Variants in ADAM10 observed in about 807,000 individuals in gnomAD.
ADAM10 encodes ADAM metallopeptidase domain 10.
Under a neutral mutation model 90.1 loss-of-function variants are expected in ADAM10, and 17 were observed. The observed-to-expected ratio is 0.19, with a 90% CI of 0.13 to 0.28. The LOEUF is 0.28. Among genes scored for constraint, ADAM10 ranks in the 10% least tolerant of loss-of-function variants. ADAM10 has a pLI of 1.00. For synonymous variants in ADAM10, 310 were observed against 298.6 expected, an observed-to-expected ratio of 1.04 and a Z score of -0.40; for missense variants, 610 against 914.3, an observed-to-expected ratio of 0.67 and a Z score of 4.29.
intron 9 of ADAM10, among the ~76,000 whole-genome samples, chr15:58,628,729 A>C (rs1223490092): frequency 6.6e-6 from 1 of 152,178 alleles, no homozygotes; most frequent in Non-Finnish European, 1.5e-5. Flanking sequence ...AGGGGCAAAA[A>C]ACACTGGACA....
At chr15:58,717,818 T>C in intron 1 of ADAM10, 91 bp from the exon 2 acceptor site, 2 of 1,511,842 alleles carry the variant, frequency 1.3e-6, no homozygotes, top group African/African-American at 1.4e-5. Context: ...TGAATATGTA[T>C]GAAACAACTT....
intron 2 of ADAM10, among the ~76,000 whole-genome samples, chr15:58,695,882 C>T (rs1433698600): frequency 2.6e-5 from 4 of 151,882 alleles, no homozygotes; most frequent in East Asian, 1.9e-4. Context: ...TTTGGGAGGC[C>T]GAGGCGGGTG....
chr15:58,738,470 G>A (rs1358019519), intron 1 of ADAM10, among the ~76,000 whole-genome samples: 1 of 152,088 alleles, frequency 6.6e-6, no homozygotes, highest in Non-Finnish European at 1.5e-5. Context: ...TTTTTCACTA[G>A]AAATCAGTCA....
At position 58,729,958 on chromosome 15, in the gene ADAM10, T is replaced by TAAAAAAA. The variant is rs776357246; in HGVS notation, c.56-12238_56-12232dup. Among the ~76,000 whole-genome samples, 4 of 118,440 alleles carry TAAAAAAA rather than the reference T, an allele frequency of 3.4e-5. 1 individual carries two copies. Among genetic ancestry groups the TAAAAAAA allele is most frequent in the African/African-American group, 1.3e-4 (4 of 31,200 alleles). 77.7% of individuals were successfully genotyped at this position (118,440 alleles called of 152,430 possible). On this transcript the variant is annotated intron_variant, in intron 1 of 15. Transcript: ENST00000260408. ...GCGTAAGCAACAGAACGAGGCTCTGTAAAAAAAAACAAAAACAAAAACAAA... is the reference window on the plus strand; with the variant it reads ...GCGTAAGCAACAGAACGAGGCTCTGTAAAAAAAAAAAAAAAACAAAAACAAAAACAAA...
At chr15:58,653,967 T>C (rs1896749513) in intron 5 of ADAM10, among the ~76,000 whole-genome samples, 1 of 152,152 alleles carries the variant, frequency 6.6e-6, no homozygotes, top group Non-Finnish European at 1.5e-5. Flanking sequence ...ATGTATCCAT[T>C]TTCTCTACAT....
chr15:58,674,855 A>C (rs962774586), intron 4 of ADAM10, among the ~76,000 whole-genome samples: 39 of 152,362 alleles, frequency 2.6e-4, no homozygotes, highest in African/African-American at 8.9e-4. Context: ...GGTATGGCTA[A>C]CACACATTCT....
chr15:58,614,958 G>A (rs1265165031), intron 11 of ADAM10, among the ~76,000 whole-genome samples: 2 of 151,964 alleles, frequency 1.3e-5, no homozygotes, highest in Non-Finnish European at 2.9e-5. Flanking sequence ...AAAGAAAGAA[G>A]AATATGCAAA....
chr15:58,742,521 C>G (rs1899648680), intron 1 of ADAM10, among the ~76,000 whole-genome samples: 1 of 152,222 alleles, frequency 6.6e-6, no homozygotes, highest in Non-Finnish European at 1.5e-5. Context: ...AATGAATTCA[C>G]TCAGCATCAA....
At chr15:58,630,400 G>A (rs1332716605) in intron 9 of ADAM10, among the ~76,000 whole-genome samples, 5 of 152,138 alleles carry the variant, frequency 3.3e-5, no homozygotes, top group African/African-American at 1.2e-4. Context: ...GATAACACTA[G>A]AAATATACTT....
intron 2 of ADAM10, chr15:58,692,262 G>C: frequency 1.7e-6 from 1 of 603,716 alleles, no homozygotes; most frequent in Non-Finnish European, 3.3e-6. Flanking sequence ...TGACTGCCAA[G>C]TGGTCTTCCC....
chr15:58,643,298 G>A (rs755000179), intron 7 of ADAM10, among the ~76,000 whole-genome samples: 4 of 151,996 alleles, frequency 2.6e-5, no homozygotes, highest in Non-Finnish European at 4.4e-5. Flanking sequence ...ATCTGTTGAT[G>A]TTAATATATT....
In ADAM10 at chr15:58,589,035, A is replaced by G. The variant is rs1894771804; in HGVS notation, c.*8512T>C. The G allele has an allele frequency of 6.6e-6, 1 of 152,226 alleles. No homozygotes were observed. The highest frequency in any genetic ancestry group is 2.1e-4 in the South Asian group (1 of 4,834). 9.4% of individuals were successfully genotyped at this position (152,226 alleles called of 1,614,324 possible). A position where few individuals can be genotyped will look rare whatever the true frequency, so the allele number is the denominator to read the frequency against. The stretch of plus-strand genomic sequence containing the variant: ...GTGCTGCCACAGGATTTAGAATGAG[A>G]TATGTTAAAAGTTAAAAATACAGCT... On this transcript the variant is annotated 3_prime_UTR_variant, in exon 16 of 16. Transcript: ENST00000260408.
At chr15:58,722,719 T>C (rs1464139887) in intron 1 of ADAM10, among the ~76,000 whole-genome samples, 1 of 147,916 alleles carries the variant, frequency 6.8e-6, no homozygotes, top group African/African-American at 2.5e-5. Flanking sequence ...GGCTACAAAT[T>C]TGAGAACTTT....
chr15:58,699,803 T>C lies in ADAM10; in HGVS notation c.207-17489A>G, dbSNP rs115348749. On this transcript the variant is annotated intron_variant, in intron 2 of 15. Transcript: ENST00000260408. ...AAAAGCCAAAGAAAACCAAAAAATA[T>C]ACAAAACAACAAGAAATTAATAAAA... is the stretch of plus-strand genomic sequence containing the variant. Among the ~76,000 whole-genome samples the C allele has an allele frequency of 5.1e-3, 770 of 151,880 alleles. 10 individuals are homozygous for C. Among genetic ancestry groups the C allele is most frequent in the African/African-American group, 0.018 (739 of 41,390 alleles).
chr15:58,746,611 G>C (rs1412881032), intron 1 of ADAM10, among the ~76,000 whole-genome samples: 3 of 152,046 alleles, frequency 2.0e-5, no homozygotes, highest in Non-Finnish European at 4.4e-5. Context: ...TAAGAAAAAT[G>C]TCTTAAGACA....
intron 2 of ADAM10, among the ~76,000 whole-genome samples, chr15:58,685,557 T>C (rs1289440402): frequency 3.8e-5 from 2 of 52,906 alleles, no homozygotes; most frequent in Non-Finnish European, 3.1e-5. Context: ...TATATATATA[T>C]ATATATATAT....
chr15:58,646,887 C>T (rs942958307), intron 5 of ADAM10, among the ~76,000 whole-genome samples: 1 of 152,214 alleles, frequency 6.6e-6, no homozygotes, highest in African/African-American at 2.4e-5. Flanking sequence ...CCTACATTAG[C>T]CAACTCTAGC....
At chr15:58,748,611 T>G (rs1465841490) in intron 1 of ADAM10, 10 of 259,866 alleles carry the variant, frequency 3.8e-5, no homozygotes, top group Non-Finnish European at 6.5e-5. Flanking sequence ...CTAACTACAC[T>G]GTACATCTAC....
chr15:58,601,978 T>C (rs1015375638), intron 14 of ADAM10, among the ~76,000 whole-genome samples: 7 of 152,346 alleles, frequency 4.6e-5, no homozygotes, highest in Admixed American at 3.9e-4. Context: ...TGATGTTAAC[T>C]TGATCACTGG....
Sources: gnomAD v4.1 joint callset for allele counts (sites outside exome capture counted in the v4.1 genomes callset) on GRCh38, gnomAD v4.1.1 for gene constraint, MANE v1.5 for transcripts, NCBI Gene and HGNC (gene_info 2026-07-23, HGNC 2026-07-21) for gene names.